The following FGD4 variants were observed in gnomAD, a reference collection of about 807,000 sequenced individuals.
The protein encoded by FGD4 is FYVE, RhoGEF and PH domain-containing protein 4.
Under a neutral mutation model 102.0 loss-of-function variants are expected in FGD4, and 42 were observed. The observed-to-expected ratio is 0.41, with a 90% CI of 0.32 to 0.53. The LOEUF is 0.53. Among genes scored for constraint, FGD4 ranks in the 20% least tolerant of loss-of-function variants. FGD4 has a pLI of 0.21. For missense variants in FGD4, 902 were observed against 1,078.2 expected (o/e 0.84, Z 2.29); for synonymous variants, 380 against 375.7 (o/e 1.01, Z -0.13).
chr12:32,554,947 G>T (rs1434663273), intron 1 of FGD4, among the ~76,000 whole-genome samples: 1 of 152,240 alleles, frequency 6.6e-6, no homozygotes, highest in African/African-American at 2.4e-5. Flanking sequence ...CAAAGAACTT[G>T]AGATTTTACT....
At chr12:32,502,197 G>T (rs1309240426) in intron 1 of FGD4, 6 of 985,410 alleles carry the variant, frequency 6.1e-6, no homozygotes, top group Admixed American at 6.1e-5. Flanking sequence ...GAAAGCAGGG[G>T]AGCCTGTGCT....
intron 1 of FGD4, 150 bp from the exon 2 acceptor site, chr12:32,563,987 C>T (rs1473195178): frequency 1.6e-5 from 12 of 735,810 alleles, no homozygotes; most frequent in South Asian, 3.9e-5. Context: ...AGAGGGAGAC[C>T]GTGGAAAGAG....
intron 1 of FGD4, among the ~76,000 whole-genome samples, chr12:32,426,336 C>T (rs189949840): frequency 3.3e-5 from 5 of 152,154 alleles, no homozygotes; most frequent in East Asian, 1.9e-4. Context: ...TGGTTTTTGT[C>T]GTTGGTTCTG....
chr12:32,507,941 T>G (rs9943832), intron 1 of FGD4, among the ~76,000 whole-genome samples: 12,435 of 152,248 alleles, frequency 0.082, 1,351 homozygotes, highest in African/African-American at 0.24. Context: ...GTAGGACTAT[T>G]AGCCCTCAGA....
chr12:32,473,932 C>T (rs1350856112), intron 1 of FGD4, among the ~76,000 whole-genome samples: 1 of 151,852 alleles, frequency 6.6e-6, no homozygotes, highest in African/African-American at 2.4e-5. Flanking sequence ...CTAAAAAATA[C>T]AAAAACTTAG....
intron 2 of FGD4, among the ~76,000 whole-genome samples, chr12:32,571,497 C>T (rs1333517588): frequency 6.6e-6 from 1 of 151,898 alleles, no homozygotes; most frequent in Non-Finnish European, 1.5e-5. Context: ...AACCTATAAT[C>T]ATGGGTTACA....
intron 1 of FGD4, among the ~76,000 whole-genome samples, chr12:32,555,690 G>A (rs1238538280): frequency 6.7e-6 from 1 of 149,634 alleles, no homozygotes; most frequent in South Asian, 2.1e-4. Context: ...TCCTGCCTCA[G>A]CCTCCCGAGT....
At chr12:32,413,252 C>T (rs1419859197) in intron 1 of FGD4, among the ~76,000 whole-genome samples, 3 of 151,644 alleles carry the variant, frequency 2.0e-5, no homozygotes, top group East Asian at 3.9e-4. Flanking sequence ...ACGTTCTGCA[C>T]GTGTATCCCA....
At chr12:32,406,276 G>A (rs1268429610) in intron 1 of FGD4, among the ~76,000 whole-genome samples, 2 of 152,058 alleles carry the variant, frequency 1.3e-5, no homozygotes. Flanking sequence ...ATGTGGGGCT[G>A]GGCGCAGTGG....
chr12:32,606,961 A>G (rs983680547), intron 7 of FGD4, among the ~76,000 whole-genome samples: 1 of 152,184 alleles, frequency 6.6e-6, no homozygotes, highest in Non-Finnish European at 1.5e-5. Flanking sequence ...ATTCTTCTAT[A>G]TGGAGTCTTT....
chr12:32,576,938 T>C (rs557754950), intron 3 of FGD4, among the ~76,000 whole-genome samples: 1 of 152,190 alleles, frequency 6.6e-6, no homozygotes, highest in Non-Finnish European at 1.5e-5. Flanking sequence ...TCTATACCCA[T>C]TCAGTCCCGG....
intron 1 of FGD4, among the ~76,000 whole-genome samples, chr12:32,479,814 G>T: frequency 2.2e-5 from 3 of 134,804 alleles, no homozygotes; most frequent in African/African-American, 2.7e-5. Flanking sequence ...TTTGAGATTG[G>T]GTCTCACTCT....
At chr12:32,585,331 T>C (rs2136461142) in intron 4 of FGD4, among the ~76,000 whole-genome samples, 1 of 150,592 alleles carries the variant, frequency 6.6e-6, no homozygotes, top group East Asian at 2.0e-4. Flanking sequence ...TTTTTGTGGC[T>C]ACTCAGTTTA....
At chr12:32,541,868 A>T (rs1023632080) in intron 1 of FGD4, among the ~76,000 whole-genome samples, 2 of 152,216 alleles carry the variant, frequency 1.3e-5, no homozygotes, top group African/African-American at 4.8e-5. Flanking sequence ...TTTATAAGGA[A>T]GTTAAGTAAC....
rs1208748202 is a variant in FGD4 at position 32,453,186 on chromosome 12, AT to A, written c.166+53231del. On this transcript the variant is annotated intron_variant, in intron 1 of 16. Transcript: ENST00000534526. ...GTATATATATCTATATTATATATAT[AT>A]TTTATATATATATTATATATATATA... Among the ~76,000 whole-genome samples, 12 of 92,376 alleles carry A rather than the reference AT, an allele frequency of 1.3e-4. No homozygotes were observed. In the East Asian group the frequency reaches 1.8e-3, roughly 14 times the overall value. The allele number at this position is 92,376 out of a possible 152,430, so 60.6% of individuals were successfully genotyped here.
At chr12:32,459,118 A>G (rs77488191) in intron 1 of FGD4, among the ~76,000 whole-genome samples, 5,760 of 151,964 alleles carry the variant, frequency 0.038, 165 homozygotes, top group South Asian at 0.12. Flanking sequence ...TTTAGACAGC[A>G]GGAAGAGTTG....
chr12:32,498,424 G>C (rs1288456171), intron 1 of FGD4, among the ~76,000 whole-genome samples: 1 of 152,160 alleles, frequency 6.6e-6, no homozygotes, highest in African/African-American at 2.4e-5. Context: ...AATGAGGTTT[G>C]TGATATTTAG....
chr12:32,434,952 T>C (rs921266283), intron 1 of FGD4, among the ~76,000 whole-genome samples: 6 of 152,098 alleles, frequency 3.9e-5, no homozygotes, highest in Non-Finnish European at 8.8e-5. Flanking sequence ...TTCTTTTCTT[T>C]TTTTTTTCTT....
chr12:32,631,591 A>G (rs1290218958), intron 14 of FGD4, among the ~76,000 whole-genome samples: 1 of 139,134 alleles, frequency 7.2e-6, no homozygotes, highest in East Asian at 2.1e-4. Context: ...TGCAACCTCC[A>G]CCTGCTGGGT....
Sources: gnomAD v4.1 joint callset for allele counts (sites outside exome capture counted in the v4.1 genomes callset) on GRCh38, gnomAD v4.1.1 for gene constraint, MANE v1.5 for transcripts, NCBI Gene and HGNC (gene_info 2026-07-23, HGNC 2026-07-21) for gene names.